The following CNTN1 variants were observed in gnomAD, a reference collection of about 807,000 sequenced individuals.
CNTN1 encodes contactin 1, also known as contactin-1.
Under a neutral mutation model 126.4 loss-of-function variants are expected in CNTN1, and 38 were observed. The ratio of observed to expected loss-of-function variants is 0.30; its 90% CI spans 0.23 to 0.39. The LOEUF is 0.39. Among genes scored for constraint, CNTN1 ranks in the 10% least tolerant of loss-of-function variants. The pLI is 1.00. For synonymous variants in CNTN1, 413 were observed against 422.6 expected (o/e 0.98, Z 0.28); for missense variants, 1,009 against 1,248.4 (o/e 0.81, Z 2.89).
At chr12:40,755,652 G>A (rs1187119587) in intron 1 of CNTN1, among the ~76,000 whole-genome samples, 1 of 152,036 alleles carries the variant, frequency 6.6e-6, no homozygotes, top group Admixed American at 6.6e-5. Context: ...TGAGATTACA[G>A]TGAGCTATGA....
chr12:40,893,400 C>T (rs530158045), intron 1 of CNTN1, among the ~76,000 whole-genome samples: 2 of 152,176 alleles, frequency 1.3e-5, no homozygotes, highest in African/African-American at 4.8e-5. Flanking sequence ...CAAATTTCTG[C>T]ATTCTTCAAC....
intron 23 of CNTN1, among the ~76,000 whole-genome samples, chr12:41,049,545 C>T (rs975288584): frequency 6.6e-6 from 1 of 152,216 alleles, no homozygotes; most frequent in Admixed American, 6.5e-5. Context: ...CTGCTGCTAC[C>T]ATCATAGGGT....
chr12:40,941,208 A>G (rs913026197), intron 12 of CNTN1, among the ~76,000 whole-genome samples: 1 of 152,180 alleles, frequency 6.6e-6, no homozygotes, highest in Non-Finnish European at 1.5e-5. Context: ...TTGATTAAAG[A>G]GTCTATAAAT....
At chr12:40,844,469 A>G (rs1257295255) in intron 1 of CNTN1, among the ~76,000 whole-genome samples, 1 of 152,208 alleles carries the variant, frequency 6.6e-6, no homozygotes, top group Non-Finnish European at 1.5e-5. Flanking sequence ...CTATGAAAAT[A>G]TGAATGCCTT....
intron 6 of CNTN1, among the ~76,000 whole-genome samples, chr12:40,927,454 A>G (rs895445704): frequency 6.6e-6 from 1 of 152,040 alleles, no homozygotes; most frequent in East Asian, 1.9e-4. Context: ...GGGTGGGGAA[A>G]GAGGTGAGAA....
intron 1 of CNTN1, among the ~76,000 whole-genome samples, chr12:40,699,215 T>G (rs547730092): frequency 6.6e-6 from 1 of 152,360 alleles, no homozygotes; most frequent in African/African-American, 2.4e-5. Flanking sequence ...GGACCTGACA[T>G]AGAGTTGATA....
chr12:41,049,738 T>C (rs1949629636), intron 23 of CNTN1, among the ~76,000 whole-genome samples: 1 of 152,226 alleles, frequency 6.6e-6, no homozygotes, highest in African/African-American at 2.4e-5. Flanking sequence ...AGAAGGGGAC[T>C]AGATCATATT....
In CNTN1 at chr12:41,025,343, C is replaced by T. The variant is rs746569477; in HGVS notation, c.2710+7C>T. ...GCTTTCACCAAGAAAGCACGTGAGTCTCACGTTTTGTTTTTAGACTTGTCA... is the reference window on the plus strand; with the variant it reads ...GCTTTCACCAAGAAAGCACGTGAGTTTCACGTTTTGTTTTTAGACTTGTCA... On this transcript the variant is annotated splice_region_variant and intron_variant, in intron 21 of 23. Transcript: ENST00000551295. 1 of 1,612,684 alleles carries T rather than the reference C, an allele frequency of 6.2e-7. No homozygotes were observed. The highest frequency in any genetic ancestry group is 8.5e-7 in the Non-Finnish European group (1 of 1,178,980).
intron 1 of CNTN1, among the ~76,000 whole-genome samples, chr12:40,790,937 A>G (rs942249960): frequency 3.9e-5 from 6 of 152,074 alleles, no homozygotes; most frequent in East Asian, 1.9e-4. Flanking sequence ...TTAGCCAAGG[A>G]TTGTCTTCAT....
chr12:40,907,987 C>T (rs1043467924), intron 1 of CNTN1, among the ~76,000 whole-genome samples: 1 of 152,100 alleles, frequency 6.6e-6, no homozygotes, highest in Non-Finnish European at 1.5e-5. Flanking sequence ...TGAATGATAT[C>T]AAAATGTTTA....
At chr12:41,006,374 G>A (rs1948494235) in intron 17 of CNTN1, among the ~76,000 whole-genome samples, 2 of 152,178 alleles carry the variant, frequency 1.3e-5, no homozygotes, top group South Asian at 4.1e-4. Context: ...CACCACAGTG[G>A]CAGAGGCAAC....
At chr12:40,767,754 A>G (rs1004316865) in intron 1 of CNTN1, among the ~76,000 whole-genome samples, 1 of 151,998 alleles carries the variant, frequency 6.6e-6, no homozygotes, top group Non-Finnish European at 1.5e-5. Context: ...TTTATATGTT[A>G]CTTAAATACT....
Position 41,025,294 on chromosome 12 carries a change from G to A in CNTN1, c.2668G>A (p.Gly890Arg). The change falls in exon 21 of 24, where the codon GGA (glycine) becomes AGA (arginine). Residue 890 changes from glycine to arginine, a missense_variant. Coordinates refer to ENST00000551295, the MANE Select transcript of CNTN1 (RefSeq NM_001843.4). ...CGGGGCCTGCAATAGTGCAGGGTGT[G>A]GACCTCCAAGTGACATGATTGAGGC... is the stretch of plus-strand genomic sequence containing the variant. ...EVGACNSAGC[G>R]PPSDMIEAFT... is the part of the protein sequence containing the mutation. 5 of 1,613,638 alleles carry A rather than the reference G, an allele frequency of 3.1e-6. No individual in the cohort carries two copies. Among genetic ancestry groups the A allele is most frequent in the Non-Finnish European group, 4.2e-6 (5 of 1,179,642 alleles).
intron 1 of CNTN1, among the ~76,000 whole-genome samples, chr12:40,854,283 T>C (rs1942821351): frequency 6.6e-6 from 1 of 151,906 alleles, no homozygotes; most frequent in African/African-American, 2.4e-5. Flanking sequence ...GGGATAAAAG[T>C]GAGTGGGAGA....
intron 1 of CNTN1, among the ~76,000 whole-genome samples, chr12:40,753,172 G>A (rs2136401420): frequency 6.6e-6 from 1 of 152,226 alleles, no homozygotes; most frequent in East Asian, 1.9e-4. Flanking sequence ...ACTAAAAGGA[G>A]TGAAGAGAGG....
chr12:40,730,621 T>C (rs1942473975), intron 1 of CNTN1, among the ~76,000 whole-genome samples: 1 of 152,188 alleles, frequency 6.6e-6, no homozygotes, highest in South Asian at 2.1e-4. Context: ...ACACATCAGA[T>C]CCTAAAGTCA....
At chr12:40,912,634 T>TAA (rs545477676) in intron 3 of CNTN1, among the ~76,000 whole-genome samples, 2 of 147,480 alleles carry the variant, frequency 1.4e-5, no homozygotes, top group Non-Finnish European at 3.0e-5. Flanking sequence ...AGCTAATATT[T>TAA]AAAAAAAAAA....
At chr12:40,707,410 G>A (rs1440604297) in intron 1 of CNTN1, among the ~76,000 whole-genome samples, 2 of 151,360 alleles carry the variant, frequency 1.3e-5, no homozygotes, top group East Asian at 3.9e-4. Flanking sequence ...CACCACACCC[G>A]GCTAATTGTT....
rs139485745 is a variant in CNTN1 at position 40,971,410 on chromosome 12, C to T, written c.1805-9499C>T. ...TAATTGGGCATCCACACTCTCCCTTCAGCCTTGATCTTTCCTCTTGCAGGT... is the reference window on the plus strand; with the variant it reads ...TAATTGGGCATCCACACTCTCCCTTTAGCCTTGATCTTTCCTCTTGCAGGT... On this transcript the variant is annotated intron_variant, in intron 15 of 23. Coordinates refer to ENST00000551295, the MANE Select transcript of CNTN1 (RefSeq NM_001843.4). 7.6e-6 allele frequency: 12 copies of T among 1,585,904 alleles called. 1 individual carries two copies. In the East Asian group the frequency reaches 2.7e-4, roughly 36 times the overall value.
Sources: allele counts gnomAD v4.1 joint callset (sites outside exome capture counted in the v4.1 genomes callset), GRCh38; gene constraint gnomAD v4.1.1; transcripts MANE v1.5; gene names NCBI Gene and HGNC (gene_info 2026-07-23, HGNC 2026-07-21).